NUDCD1: variants seen among roughly 807,000 people sequenced by gnomAD.
The protein encoded by NUDCD1 is nudC domain-containing protein 1.
A neutral mutation model predicts 67.8 loss-of-function variants in NUDCD1; 60 were observed. That is an observed-to-expected ratio of 0.88 (90% CI 0.72 to 1.10). NUDCD1 has a LOEUF of 1.10. Ranked by LOEUF, NUDCD1 falls within the 50% of genes least tolerant of loss-of-function variation. NUDCD1 has a pLI of 0.00. For synonymous variants in NUDCD1, 244 were observed against 230.8 expected, an observed-to-expected ratio of 1.06 and a Z score of -0.52; for missense variants, 643 against 695.0, an observed-to-expected ratio of 0.93 and a Z score of 0.84.
At chr8:109,306,641 C>G (rs921830097) in intron 2 of NUDCD1, among the ~76,000 whole-genome samples, 1 of 145,706 alleles carries the variant, frequency 6.9e-6, no homozygotes, top group South Asian at 2.2e-4. Context: ...ACCCCCCCCA[C>G]CCCCGGACCC....
intron 2 of NUDCD1, among the ~76,000 whole-genome samples, chr8:109,297,473 A>G (rs948032918): frequency 2.0e-5 from 3 of 152,142 alleles, no homozygotes; most frequent in Admixed American, 1.3e-4. Flanking sequence ...CACACTGGTG[A>G]TTGGGATTAA....
At chr8:109,323,490 T>C (rs1440522334) in intron 1 of NUDCD1, among the ~76,000 whole-genome samples, 4 of 152,058 alleles carry the variant, frequency 2.6e-5, no homozygotes, top group Non-Finnish European at 4.4e-5. Flanking sequence ...CAAATAATCA[T>C]ATAAATCTTA....
At chr8:109,318,369 G>A (rs1429775005) in intron 2 of NUDCD1, among the ~76,000 whole-genome samples, 4 of 152,188 alleles carry the variant, frequency 2.6e-5, no homozygotes, top group Non-Finnish European at 5.9e-5. Context: ...ATCAACAAAT[G>A]CCCTATTTGT....
chr8:109,325,140 T>TA (rs1199097531), intron 1 of NUDCD1, among the ~76,000 whole-genome samples: 1 of 151,496 alleles, frequency 6.6e-6, no homozygotes, highest in African/African-American at 2.4e-5. Context: ...TACACGCAGC[T>TA]AAAAAAGTGG....
chr8:109,333,979 A>G lies in NUDCD1; in HGVS notation c.32T>C (p.Val11Ala), dbSNP rs2130170208. ...GCGGGGATCCAACAGAGGTCTCTTC[A>G]CCCGTAGGGAGCAATTAGCCGCCAC... Reference protein sequence around the residue: MEVAANCSLRVKRPLLDPRFE... With the variant: MEVAANCSLRAKRPLLDPRFE... Residue 11 changes from valine (V) to alanine (A), a missense_variant, in exon 1 of 10, where the codon GTG (valine) becomes GCG (alanine). Val to Ala is a moderately conservative substitution (Grantham distance 64). Transcript: ENST00000239690. The G allele has an allele frequency of 1.2e-6, 2 of 1,614,066 alleles. No individual in the cohort carries two copies. Among genetic ancestry groups the G allele is most frequent in the Non-Finnish European group, 1.7e-6 (2 of 1,179,952 alleles).
intron 4 of NUDCD1, among the ~76,000 whole-genome samples, chr8:109,291,015 C>T (rs1236811154): frequency 1.3e-5 from 2 of 152,172 alleles, no homozygotes; most frequent in African/African-American, 2.4e-5. Flanking sequence ...TCCTACTTGA[C>T]TTTAAAGATC....
intron 2 of NUDCD1, among the ~76,000 whole-genome samples, chr8:109,301,647 G>A (rs953090105): frequency 2.6e-5 from 4 of 152,176 alleles, no homozygotes; most frequent in Middle Eastern, 3.2e-3. Flanking sequence ...TGGGGTAAGC[G>A]GCCTTTCTAC....
intron 2 of NUDCD1, among the ~76,000 whole-genome samples, chr8:109,320,519 G>A (rs1440310801): frequency 6.6e-6 from 1 of 151,942 alleles, no homozygotes; most frequent in Non-Finnish European, 1.5e-5. Flanking sequence ...TTTTTTCAAG[G>A]TGCCCACATT....
chr8:109,322,566 A>G (rs1312145234), intron 1 of NUDCD1, 103 bp from the exon 2 acceptor site: 5 of 761,112 alleles, frequency 6.6e-6, no homozygotes, highest in Middle Eastern at 3.3e-4. Context: ...CAGAATGCCA[A>G]TCACAAAGGC....
intron 6 of NUDCD1, among the ~76,000 whole-genome samples, chr8:109,276,195 A>G (rs899623259): frequency 3.9e-5 from 6 of 152,362 alleles, no homozygotes; most frequent in African/African-American, 1.4e-4. Flanking sequence ...GAACCCTGAG[A>G]TCAAGGACTG....
chr8:109,304,141 C>T (rs1202279616), intron 2 of NUDCD1, among the ~76,000 whole-genome samples: 1 of 152,176 alleles, frequency 6.6e-6, no homozygotes, highest in Non-Finnish European at 1.5e-5. Flanking sequence ...CCTAACTCAT[C>T]CCAACCTTTT....
At chr8:109,268,229 T>G (rs1814050146) in intron 8 of NUDCD1, among the ~76,000 whole-genome samples, 1 of 152,132 alleles carries the variant, frequency 6.6e-6, no homozygotes, top group South Asian at 2.1e-4. Context: ...TCACATTTGA[T>G]TGGTAAATGT....
chr8:109,252,119 T>C, intron 8 of NUDCD1, among the ~76,000 whole-genome samples: 1 of 152,248 alleles, frequency 6.6e-6, no homozygotes, highest in South Asian at 2.1e-4. Flanking sequence ...TCTCTAGTGG[T>C]AGGCTGTGGT....
chr8:109,275,275 T>C (rs1814255509), intron 7 of NUDCD1, 77 bp downstream of exon 7: 3 of 1,393,174 alleles, frequency 2.2e-6, no homozygotes, highest in Non-Finnish European at 2.0e-6. Context: ...AAAATATTGT[T>C]TGAAAAGCAT....
intron 8 of NUDCD1, among the ~76,000 whole-genome samples, chr8:109,258,634 A>G (rs1040824228): frequency 1.3e-5 from 2 of 152,122 alleles, no homozygotes; most frequent in Non-Finnish European, 2.9e-5. Flanking sequence ...AGCTAAAACA[A>G]CAGCTTCTAG....
In NUDCD1 at chr8:109,284,162, A is replaced by G. The variant is rs151275592; in HGVS notation, c.824-2990T>C. Among the ~76,000 whole-genome samples, 5 of 152,274 alleles carry G rather than the reference A, an allele frequency of 3.3e-5. No homozygotes were observed. The East Asian group carries it at 9.6e-4, about 29-fold the overall frequency. ...ACAATTCTTACCTCAGATAAAACAGACTTTAAACCAACAAAGGTAAAAAAG... is the reference window on the plus strand; with the variant it reads ...ACAATTCTTACCTCAGATAAAACAGGCTTTAAACCAACAAAGGTAAAAAAG... On this transcript the variant is annotated intron_variant, in intron 5 of 9. Transcript: ENST00000239690.
In NUDCD1 at chr8:109,251,931, C is replaced by T. The variant is rs548698706; in HGVS notation, c.1300-6450G>A. 3.3e-5 allele frequency among the ~76,000 whole-genome samples: 5 copies of T among 152,074 alleles called. 1 individual carries two copies. The highest frequency in any genetic ancestry group is 2.0e-4 in the Admixed American group (3 of 15,266). On this transcript the variant is annotated intron_variant, in intron 8 of 9. Transcript: ENST00000239690. ...CCCCCTAAGCTTTAGCTGTATTCCA[C>T]GTGTGCCATGTTTCATCTTCGTTCA... is the stretch of plus-strand genomic sequence containing the variant.
chr8:109,331,123 G>A (rs958065199), intron 1 of NUDCD1, among the ~76,000 whole-genome samples: 2 of 152,030 alleles, frequency 1.3e-5, no homozygotes, highest in Non-Finnish European at 2.9e-5. Context: ...CAGGTGGATC[G>A]CGAGGTCAGG....
At chr8:109,313,999 T>C (rs1012776448) in intron 2 of NUDCD1, 6 of 349,888 alleles carry the variant, frequency 1.7e-5, no homozygotes, top group Non-Finnish European at 3.3e-5. Context: ...TCTGATTGTT[T>C]AGATCTAATT....
Sources: allele counts gnomAD v4.1 joint callset (sites outside exome capture counted in the v4.1 genomes callset), GRCh38; gene constraint gnomAD v4.1.1; transcripts MANE v1.5; gene names NCBI Gene and HGNC (gene_info 2026-07-23, HGNC 2026-07-21).